Variants in BAIAP2L1 observed in about 807,000 individuals in gnomAD.
BAIAP2L1 encodes BAR/IMD domain-containing adapter protein 2-like 1.
Under a neutral mutation model 66.3 loss-of-function variants are expected in BAIAP2L1, and 35 were observed. The ratio of observed to expected loss-of-function variants is 0.53; its 90% CI spans 0.40 to 0.70. The LOEUF is 0.70. Among genes scored for constraint, BAIAP2L1 ranks in the 30% least tolerant of loss-of-function variants. BAIAP2L1 has a pLI of 0.00. For missense variants in BAIAP2L1, 622 were observed against 656.9 expected, an observed-to-expected ratio of 0.95 and a Z score of 0.58; for synonymous variants, 269 against 248.7, an observed-to-expected ratio of 1.08 and a Z score of -0.77.
intron 3 of BAIAP2L1, among the ~76,000 whole-genome samples, chr7:98,353,641 ATATTATATATAT>A (rs1802055032): frequency 7.2e-6 from 1 of 139,612 alleles, no homozygotes; most frequent in Non-Finnish European, 1.5e-5. Context: ...TTATATATGT[ATATTATATATAT>A]TTTTATATAT....
At chr7:98,373,044 T>A (rs1286913348) in intron 1 of BAIAP2L1, among the ~76,000 whole-genome samples, 1 of 152,200 alleles carries the variant, frequency 6.6e-6, no homozygotes, top group African/African-American at 2.4e-5. Context: ...CCGGTCAAGA[T>A]CAATTTTATT....
intron 1 of BAIAP2L1, chr7:98,386,692 G>GT: frequency 4.4e-5 from 12 of 270,518 alleles, no homozygotes; most frequent in Non-Finnish European, 6.8e-5. Flanking sequence ...ACTTTCCAAA[G>GT]GTTTTTTTTT....
At chr7:98,313,982 CT>C (rs35599338) in intron 7 of BAIAP2L1, among the ~76,000 whole-genome samples, 8,094 of 100,794 alleles carry the variant, frequency 0.08, 163 homozygotes, top group Middle Eastern at 0.13. Flanking sequence ...CTTTTTCTTC[CT>C]TTTTTTTTTT....
chr7:98,372,733 G>GTTTTTTTTTTTTTTTTTTTTTTTT (rs34330041), intron 1 of BAIAP2L1, among the ~76,000 whole-genome samples: 1 of 93,766 alleles, frequency 1.1e-5, no homozygotes. Flanking sequence ...ATCGATTTTG[G>GTTTTTTTTTTTTTTTTTTTTTTTT]TTTTTTTTTT....
intron 9 of BAIAP2L1, chr7:98,308,139 C>T (rs764732118): frequency 4.7e-5 from 30 of 637,284 alleles, no homozygotes; most frequent in Admixed American, 1.0e-4. Context: ...CCTGCGGCTG[C>T]GGGCTCTTTT....
At chr7:98,394,537 G>A (rs1803155462) in intron 1 of BAIAP2L1, among the ~76,000 whole-genome samples, 1 of 152,056 alleles carries the variant, frequency 6.6e-6, no homozygotes, top group South Asian at 2.1e-4. Context: ...AAATTTTTTT[G>A]CACATACCCA....
In BAIAP2L1 at chr7:98,315,546, C is replaced by A. The variant is rs766624526; in HGVS notation, c.553G>T (p.Ala185Ser). Residue 185 changes from alanine (A) to serine (S), a missense_variant, in exon 7 of 14, where the codon GCT (alanine) becomes TCT (serine). Coordinates refer to ENST00000005260, the MANE Select transcript of BAIAP2L1 (RefSeq NM_018842.5). The part of the protein sequence containing the change: ...QKFIADGCKE[A>S]LLEEKRRFCF... ...AAGCGCCTCTTCTCTTCAAGCAGAG[C>A]CTCTTTGCAACCATCTGCAATGAAT... 9 of 1,517,960 alleles carry A rather than the reference C, an allele frequency of 5.9e-6. No individual in the cohort carries two copies. The South Asian group carries it at 7.8e-5, about 13-fold the overall frequency. 94.0% of individuals were successfully genotyped at this position (1,517,960 alleles called of 1,614,324 possible). A position where few individuals can be genotyped will look rare whatever the true frequency, so the allele number is the denominator to read the frequency against.
chr7:98,321,120 A>C (rs1801231428), intron 3 of BAIAP2L1, among the ~76,000 whole-genome samples: 1 of 152,012 alleles, frequency 6.6e-6, no homozygotes, highest in African/African-American at 2.4e-5. Flanking sequence ...CAGCCTCCCA[A>C]AGTGCTGGGA....
rs1799968330 is a variant in BAIAP2L1 at position 98,291,811 on chromosome 7, T to G, written c.*1710A>C. ...GCAGGTTGCATCCGAGACCCCCAGG[T>G]CCTATTCTTCCACCCCGTAACAAAA... On this transcript the variant is annotated 3_prime_UTR_variant, in exon 14 of 14. Coordinates refer to ENST00000005260, the MANE Select transcript of BAIAP2L1 (RefSeq NM_018842.5). 6.5e-6 allele frequency: 1 copy of G among 153,216 alleles called. No individual in the cohort carries two copies. Among genetic ancestry groups the G allele is most frequent in the Admixed American group, 6.5e-5 (1 of 15,350 alleles). The allele number at this position is 153,216 out of a possible 1,614,324, so 9.5% of individuals were successfully genotyped here.
intron 1 of BAIAP2L1, among the ~76,000 whole-genome samples, chr7:98,390,471 G>A (rs978648867): frequency 2.0e-5 from 3 of 151,698 alleles, no homozygotes; most frequent in African/African-American, 7.3e-5. Context: ...GCTCACGCCT[G>A]TAATCCCAGC....
chr7:98,317,523 C>A (rs1448354510), intron 5 of BAIAP2L1, among the ~76,000 whole-genome samples, 167 bp from the exon 6 acceptor site: 6 of 149,652 alleles, frequency 4.0e-5, no homozygotes, highest in Admixed American at 4.0e-4. Context: ...CAGTTCACAC[C>A]ATCCTCCTGC....
At chr7:98,317,802 C>T (rs1267714657) in intron 5 of BAIAP2L1, among the ~76,000 whole-genome samples, 2 of 151,816 alleles carry the variant, frequency 1.3e-5, no homozygotes, top group Non-Finnish European at 2.9e-5. Context: ...GCTCATTTCA[C>T]ACCATCTTTA....
At chr7:98,320,154 A>G in intron 4 of BAIAP2L1, 25 bp from the exon 5 acceptor site, 1 of 1,600,594 alleles carries the variant, frequency 6.2e-7, no homozygotes, top group South Asian at 1.1e-5. Context: ...AAATAAATTC[A>G]TACCAGGTTT....
At chr7:98,312,671 C>T (rs939714812) in intron 7 of BAIAP2L1, among the ~76,000 whole-genome samples, 6 of 152,188 alleles carry the variant, frequency 3.9e-5, no homozygotes, top group African/African-American at 9.6e-5. Flanking sequence ...ACACAGGCCA[C>T]GGGCCCCGTA....
chr7:98,379,558 G>A, intron 1 of BAIAP2L1, among the ~76,000 whole-genome samples: 1 of 152,150 alleles, frequency 6.6e-6, no homozygotes, highest in East Asian at 1.9e-4. Flanking sequence ...TACCAGGGCT[G>A]TCTGTGAATT....
rs368678701 is a variant in BAIAP2L1 at position 98,358,055 on chromosome 7, C to A, written c.128-2927G>T. Among the ~76,000 whole-genome samples, 31 of 152,294 alleles carry A rather than the reference C, an allele frequency of 2.0e-4. No homozygotes were observed. In the East Asian group the frequency reaches 2.9e-3, roughly 14 times the overall value. Reference sequence around the variant, plus strand: ...TGTTAAGTTGTAAAGTACTGATCATCTGAAAAGCAAATTAGTGCGGGAATG... The same window carrying A: ...TGTTAAGTTGTAAAGTACTGATCATATGAAAAGCAAATTAGTGCGGGAATG... On this transcript the variant is annotated intron_variant, in intron 2 of 13. Coordinates refer to ENST00000005260, the MANE Select transcript of BAIAP2L1 (RefSeq NM_018842.5).
chr7:98,370,888 C>A (rs1802497369), intron 1 of BAIAP2L1, among the ~76,000 whole-genome samples: 1 of 152,054 alleles, frequency 6.6e-6, no homozygotes, highest in African/African-American at 2.4e-5. Flanking sequence ...TATTTTTAAA[C>A]CCAGGGACAA....
chr7:98,390,932 G>A (rs563755168), intron 1 of BAIAP2L1, among the ~76,000 whole-genome samples: 111 of 151,818 alleles, frequency 7.3e-4, no homozygotes, highest in African/African-American at 2.6e-3. Context: ...TGCCTCCCCG[G>A]TTCAAGCGAT....
intron 3 of BAIAP2L1, among the ~76,000 whole-genome samples, chr7:98,335,592 CTT>C (rs1466927013): frequency 2.6e-5 from 4 of 152,236 alleles, no homozygotes; most frequent in African/African-American, 9.6e-5. Context: ...GCCCAATACT[CTT>C]ATCTGATACA....
Sources: allele counts gnomAD v4.1 joint callset (sites outside exome capture counted in the v4.1 genomes callset), GRCh38; gene constraint gnomAD v4.1.1; transcripts MANE v1.5; gene names NCBI Gene and HGNC (gene_info 2026-07-23, HGNC 2026-07-21).